The following BCAR3 variants were observed in gnomAD, a reference collection of about 807,000 sequenced individuals.
BCAR3 encodes the protein breast cancer anti-estrogen resistance protein 3.
Under a neutral mutation model 80.1 loss-of-function variants are expected in BCAR3, and 37 were observed. That is an observed-to-expected ratio of 0.46 (90% CI 0.36 to 0.61). The LOEUF is 0.61. Ranked by LOEUF, BCAR3 falls within the 20% of genes least tolerant of loss-of-function variation. BCAR3 has a pLI of 0.00. For missense variants in BCAR3, 978 were observed against 1,068.2 expected (o/e 0.92, Z 1.18); for synonymous variants, 389 against 418.9 (o/e 0.93, Z 0.87).
intron 2 of BCAR3, among the ~76,000 whole-genome samples, chr1:93,773,625 A>G (rs1652436678): frequency 6.6e-6 from 1 of 152,124 alleles, no homozygotes; most frequent in African/African-American, 2.4e-5. Flanking sequence ...ACAATCAGCT[A>G]GTGCCCAGTG....
intron 2 of BCAR3, among the ~76,000 whole-genome samples, chr1:93,649,350 G>A (rs1211028186): frequency 2.6e-5 from 4 of 152,190 alleles, no homozygotes; most frequent in Non-Finnish European, 4.4e-5. Flanking sequence ...TGGGGACACT[G>A]CTAACTGCAG....
At chr1:93,736,276 C>G (rs1650967367) in intron 2 of BCAR3, among the ~76,000 whole-genome samples, 1 of 152,228 alleles carries the variant, frequency 6.6e-6, no homozygotes, top group Non-Finnish European at 1.5e-5. Context: ...CAACCTCCAC[C>G]TCCCTGGTTC....
intron 2 of BCAR3, among the ~76,000 whole-genome samples, chr1:93,722,433 G>A (rs1295413811): frequency 1.3e-5 from 2 of 152,122 alleles, no homozygotes; most frequent in African/African-American, 2.4e-5. Context: ...GACCCGCCAC[G>A]GTCCATGGGG....
chr1:93,798,443 A>G (rs1325923647), intron 2 of BCAR3, among the ~76,000 whole-genome samples: 3 of 151,874 alleles, frequency 2.0e-5, no homozygotes, highest in Non-Finnish European at 2.9e-5. Context: ...ACAATAGCCA[A>G]TTTTTTTTGG....
chr1:93,658,696 G>A lies in BCAR3; in HGVS notation c.317+15918C>T, dbSNP rs189270165. 7.9e-5 allele frequency among the ~76,000 whole-genome samples: 12 copies of A among 152,234 alleles called. No homozygotes were observed. In the South Asian group the frequency reaches 8.3e-4, roughly 11 times the overall value. ...GAGCAAGTTTCTTGGATATAAAAGCGCTATGCAAAAACCTTAGATTTAGAA... is the reference window on the plus strand; with the variant it reads ...GAGCAAGTTTCTTGGATATAAAAGCACTATGCAAAAACCTTAGATTTAGAA... On this transcript the variant is annotated intron_variant, in intron 2 of 11. Coordinates refer to ENST00000260502, the MANE Select transcript of BCAR3 (RefSeq NM_003567.4).
At chr1:93,698,991 G>T (rs1649534809) in intron 3 of BCAR3, among the ~76,000 whole-genome samples, 1 of 152,192 alleles carries the variant, frequency 6.6e-6, no homozygotes, top group South Asian at 2.1e-4. Flanking sequence ...CAGGCAAGTG[G>T]AGCACCCTCT....
chr1:93,798,307 G>A (rs2100784588), intron 2 of BCAR3, among the ~76,000 whole-genome samples: 1 of 152,198 alleles, frequency 6.6e-6, no homozygotes, highest in South Asian at 2.1e-4. Flanking sequence ...TTTAAACATG[G>A]CCATCTCTAC....
intron 8 of BCAR3, 124 bp from the exon 9 acceptor site, chr1:93,571,965 C>G: frequency 1.7e-6 from 2 of 1,197,198 alleles, no homozygotes; most frequent in South Asian, 3.0e-5. Context: ...AATGTGCCGG[C>G]AGCACAGTTT....
chr1:93,704,860 T>G (rs1649779558), intron 3 of BCAR3, among the ~76,000 whole-genome samples: 1 of 152,198 alleles, frequency 6.6e-6, no homozygotes, highest in African/African-American at 2.4e-5. Context: ...TTTTTCATGG[T>G]TTACTTACCT....
intron 2 of BCAR3, among the ~76,000 whole-genome samples, chr1:93,712,435 C>T (rs556208211): frequency 6.6e-6 from 1 of 152,196 alleles, no homozygotes; most frequent in African/African-American, 2.4e-5. Flanking sequence ...ATCCAGAGGA[C>T]GTTCACCTCG....
intron 2 of BCAR3, among the ~76,000 whole-genome samples, chr1:93,774,341 G>A (rs923559444): frequency 3.9e-5 from 6 of 151,924 alleles, no homozygotes; most frequent in Non-Finnish European, 8.8e-5. Context: ...AAAATTAGCC[G>A]GGCGTGGTGG....
At chr1:93,761,203 G>A (rs1057214344) in intron 2 of BCAR3, among the ~76,000 whole-genome samples, 1 of 152,138 alleles carries the variant, frequency 6.6e-6, no homozygotes, top group Non-Finnish European at 1.5e-5. Flanking sequence ...GATGACGGGG[G>A]TGTGGAACCT....
intron 2 of BCAR3, among the ~76,000 whole-genome samples, chr1:93,782,615 T>G (rs1265862907): frequency 1.3e-5 from 2 of 152,260 alleles, no homozygotes; most frequent in East Asian, 3.9e-4. Flanking sequence ...TCATAAGGAC[T>G]GAGCAAACAG....
intron 2 of BCAR3, among the ~76,000 whole-genome samples, chr1:93,828,011 A>T (rs1296568212): frequency 6.6e-6 from 1 of 152,126 alleles, no homozygotes; most frequent in East Asian, 1.9e-4. Flanking sequence ...CATGCCTGTA[A>T]TCCCAGTGCT....
At chr1:93,788,221 G>C (rs1356756944) in intron 2 of BCAR3, among the ~76,000 whole-genome samples, 1 of 152,096 alleles carries the variant, frequency 6.6e-6, no homozygotes, top group Non-Finnish European at 1.5e-5. Context: ...TGAGTCTCTT[G>C]AAGTCAGTAG....
intron 3 of BCAR3, among the ~76,000 whole-genome samples, chr1:93,612,009 G>A (rs1016338338): frequency 2.4e-4 from 37 of 152,182 alleles, no homozygotes; most frequent in African/African-American, 7.7e-4. Context: ...TAATTGCAAC[G>A]GAAACTAATT....
chr1:93,664,823 G>A (rs1287951335), intron 2 of BCAR3, among the ~76,000 whole-genome samples: 1 of 152,134 alleles, frequency 6.6e-6, no homozygotes, highest in Non-Finnish European at 1.5e-5. Flanking sequence ...GAATCATCAG[G>A]CTTCAGGCTG....
intron 2 of BCAR3, among the ~76,000 whole-genome samples, chr1:93,721,938 C>T (rs1287729313): frequency 6.6e-6 from 1 of 152,248 alleles, no homozygotes; most frequent in Non-Finnish European, 1.5e-5. Context: ...GCACTTAGAT[C>T]AGTGGCTGGT....
At chr1:93,765,734 T>C (rs1455830186) in intron 2 of BCAR3, among the ~76,000 whole-genome samples, 1 of 151,956 alleles carries the variant, frequency 6.6e-6, no homozygotes, top group Non-Finnish European at 1.5e-5. Flanking sequence ...TGGCACAATC[T>C]TGGCTCACTG....
Sources: allele counts gnomAD v4.1 joint callset (sites outside exome capture counted in the v4.1 genomes callset), GRCh38; gene constraint gnomAD v4.1.1; transcripts MANE v1.5; gene names NCBI Gene and HGNC (gene_info 2026-07-23, HGNC 2026-07-21).